CADM2: variants seen among roughly 807,000 people sequenced by gnomAD.
CADM2 encodes the protein cell adhesion molecule 2.
Under a neutral mutation model 49.8 loss-of-function variants are expected in CADM2, and 12 were observed. That is an observed-to-expected ratio of 0.24 (90% CI 0.15 to 0.39). CADM2 has a LOEUF of 0.39. CADM2 is among the 10% of genes least tolerant of loss of function. The pLI, the probability that CADM2 is intolerant of heterozygous loss-of-function variation, is 1.00. For missense variants in CADM2, 378 were observed against 492.3 expected, an observed-to-expected ratio of 0.77 and a Z score of 2.20; for synonymous variants, 214 against 175.4, an observed-to-expected ratio of 1.22 and a Z score of -1.74.
At chr3:85,557,624 A>G (rs182001089) in intron 1 of CADM2, among the ~76,000 whole-genome samples, 36 of 152,146 alleles carry the variant, frequency 2.4e-4, no homozygotes, top group Admixed American at 2.2e-3. Context: ...CAGCTAAAGT[A>G]TTTTGTTGTA....
chr3:84,985,457 T>G (rs766718219), intron 1 of CADM2, among the ~76,000 whole-genome samples: 22 of 152,122 alleles, frequency 1.4e-4, no homozygotes, highest in Non-Finnish European at 2.4e-4. Flanking sequence ...TAGCTTTTAT[T>G]AGGTTAAGCT....
At chr3:86,038,487 T>C (rs1177108754) in intron 8 of CADM2, among the ~76,000 whole-genome samples, 1 of 152,194 alleles carries the variant, frequency 6.6e-6, no homozygotes, top group Non-Finnish European at 1.5e-5. Context: ...ATTAATCCTC[T>C]TGTTTGCTAA....
chr3:85,751,014 C>T (rs2068837313), intron 2 of CADM2, among the ~76,000 whole-genome samples: 1 of 151,754 alleles, frequency 6.6e-6, no homozygotes, highest in Non-Finnish European at 1.5e-5. Flanking sequence ...CTAAAACAAG[C>T]ATAAAAGAAC....
intron 3 of CADM2, among the ~76,000 whole-genome samples, chr3:85,819,735 A>T (rs1233064358): frequency 6.6e-6 from 1 of 152,136 alleles, no homozygotes; most frequent in African/African-American, 2.4e-5. Flanking sequence ...AGTAATTAAG[A>T]TTCATTTATT....
intron 1 of CADM2, among the ~76,000 whole-genome samples, chr3:85,285,365 A>G (rs575652416): frequency 5.3e-5 from 8 of 152,234 alleles, no homozygotes; most frequent in Non-Finnish European, 1.2e-4. Context: ...TAGTTCAAAA[A>G]CCAATACCTA....
chr3:85,628,582 CATAT>C (rs914425868), intron 1 of CADM2, among the ~76,000 whole-genome samples: 8 of 137,972 alleles, frequency 5.8e-5, no homozygotes, highest in Admixed American at 3.1e-4. Context: ...TATACACACA[CATAT>C]ATATACATAT....
intron 1 of CADM2, among the ~76,000 whole-genome samples, chr3:85,600,115 C>T (rs186215397): frequency 6.6e-6 from 1 of 152,062 alleles, no homozygotes; most frequent in African/African-American, 2.4e-5. Flanking sequence ...AATATTTCAA[C>T]TTTCAAATAC....
At chr3:85,456,802 A>G (rs187347761) in intron 1 of CADM2, among the ~76,000 whole-genome samples, 1 of 151,534 alleles carries the variant, frequency 6.6e-6, no homozygotes, top group Non-Finnish European at 1.5e-5. Flanking sequence ...AAAGTCTTAG[A>G]TATTAAGTAA....
intron 1 of CADM2, among the ~76,000 whole-genome samples, chr3:85,693,360 C>T (rs1292361189): frequency 6.6e-6 from 1 of 151,502 alleles, no homozygotes; most frequent in African/African-American, 2.4e-5. Flanking sequence ...GCAGGCAGAT[C>T]AGGAGGTCAG....
At chr3:85,720,897 C>T (rs1044202325) in intron 1 of CADM2, among the ~76,000 whole-genome samples, 2 of 152,136 alleles carry the variant, frequency 1.3e-5, no homozygotes, top group South Asian at 2.1e-4. Context: ...AGTAGAATTT[C>T]CCCTTTTCAA....
chr3:85,628,101 CTT>C (rs1559952476), intron 1 of CADM2, among the ~76,000 whole-genome samples: 1 of 152,000 alleles, frequency 6.6e-6, no homozygotes, highest in Non-Finnish European at 1.5e-5. Context: ...CTGGGAGACA[CTT>C]TACCTTAGCA....
At chr3:85,513,056 A>G (rs1423275592) in intron 1 of CADM2, among the ~76,000 whole-genome samples, 2 of 152,078 alleles carry the variant, frequency 1.3e-5, no homozygotes, top group Non-Finnish European at 2.9e-5. Context: ...ATCTAAATTA[A>G]TATATTCTAA....
chr3:85,531,843 C>T (rs1379024710), intron 1 of CADM2, among the ~76,000 whole-genome samples: 1 of 152,126 alleles, frequency 6.6e-6, no homozygotes, highest in Admixed American at 6.5e-5. Flanking sequence ...ATCCCCATTT[C>T]AATGTTTTTT....
chr3:85,037,163 C>G (rs1244802298), intron 1 of CADM2, among the ~76,000 whole-genome samples: 1 of 150,488 alleles, frequency 6.6e-6, no homozygotes, highest in Non-Finnish European at 1.5e-5. Flanking sequence ...GAGTGAAACT[C>G]CATCTCTAAA....
chr3:85,995,014 T>TTAAAAAAAAAA lies in CADM2; in HGVS notation c.970+33367_970+33368insTAAAAAAAAAA, dbSNP rs1464055979. ...GGGTTGCCACAAATCTTCGATTTGT[T>TTAAAAAAAAAA]AAAAAAAAAAAAAAAAAAAATCATT... On this transcript the variant is annotated intron_variant, in intron 8 of 9. Transcript: ENST00000383699. Among the ~76,000 whole-genome samples the TTAAAAAAAAAA allele has an allele frequency of 4.8e-5, 4 of 83,024 alleles. No individual in the cohort carries two copies. In the East Asian group the frequency reaches 1.3e-3, roughly 27 times the overall value. The allele number at this position is 83,024 out of a possible 152,430, so 54.5% of individuals were successfully genotyped here.
chr3:85,210,444 T>C (rs1322563725), intron 1 of CADM2, among the ~76,000 whole-genome samples: 1 of 152,194 alleles, frequency 6.6e-6, no homozygotes, highest in Non-Finnish European at 1.5e-5. Context: ...CATTTTTTGA[T>C]GTCTGTTTGG....
chr3:85,653,049 AG>A (rs1354641754), intron 1 of CADM2, among the ~76,000 whole-genome samples: 1 of 151,768 alleles, frequency 6.6e-6, no homozygotes, highest in African/African-American at 2.4e-5. Context: ...CTGGGATTAC[AG>A]GCGTGAGCCA....
intron 1 of CADM2, among the ~76,000 whole-genome samples, chr3:85,715,949 A>G (rs1274388714): frequency 6.6e-6 from 1 of 152,250 alleles, no homozygotes; most frequent in African/African-American, 2.4e-5. Context: ...TATTGTGAAT[A>G]GTGCTGCAAT....
chr3:85,273,918 G>A (rs1204629047), intron 1 of CADM2, among the ~76,000 whole-genome samples: 1 of 151,414 alleles, frequency 6.6e-6, no homozygotes, highest in Admixed American at 6.6e-5. Context: ...AATGTTTACA[G>A]GAGAGGAAGA....
Sources: allele counts gnomAD v4.1 joint callset (sites outside exome capture counted in the v4.1 genomes callset), GRCh38; gene constraint gnomAD v4.1.1; transcripts MANE v1.5; gene names NCBI Gene and HGNC (gene_info 2026-07-23, HGNC 2026-07-21).